UVRAG: variants seen among roughly 807,000 people sequenced by gnomAD.
UVRAG encodes UV radiation resistance associated, also known as UV radiation resistance-associated gene protein.
A neutral mutation model predicts 78.0 loss-of-function variants in UVRAG; 19 were observed. The observed-to-expected ratio is 0.24, with a 90% confidence interval of 0.17 to 0.36. The LOEUF (loss-of-function observed/expected upper bound fraction) is 0.36, where lower values mean the gene tolerates loss of function less well. UVRAG is among the 10% of genes least tolerant of loss of function. The probability of loss-of-function intolerance (pLI) is 1.00; values close to 1 mark genes in which losing one functional copy is unlikely to be tolerated. For missense variants in UVRAG, 740 were observed against 853.8 expected (o/e 0.87, Z 1.66); for synonymous variants, 323 against 324.6 (o/e 1.00, Z 0.05).
At chr11:76,040,365 T>G (rs1296556924) in intron 12 of UVRAG, among the ~76,000 whole-genome samples, 2 of 150,850 alleles carry the variant, frequency 1.3e-5, no homozygotes, top group Non-Finnish European at 3.0e-5. Context: ...CCCAGCTACT[T>G]GGGAGGCTAA....
At chr11:76,102,717 G>A (rs1287788883) in intron 13 of UVRAG, among the ~76,000 whole-genome samples, 1 of 152,090 alleles carries the variant, frequency 6.6e-6, no homozygotes, top group Non-Finnish European at 1.5e-5. Flanking sequence ...GTCATAGATG[G>A]TTCTTATTAT....
chr11:76,004,606 CA>C (rs1949890210), intron 9 of UVRAG, among the ~76,000 whole-genome samples: 1 of 3,062 alleles, frequency 3.3e-4, no homozygotes, highest in Non-Finnish European at 1.9e-3. Flanking sequence ...AGAAACATTT[CA>C]TTCATTCATT....
chr11:75,848,718 G>A (rs936166580), intron 1 of UVRAG, among the ~76,000 whole-genome samples: 2 of 152,164 alleles, frequency 1.3e-5, no homozygotes, highest in African/African-American at 4.8e-5. Context: ...TAGTAATAAA[G>A]GAGTATGAAG....
rs117646967 is a variant in UVRAG, at chr11:75,955,052, G to A, written c.594-6392G>A. 1.6e-3 allele frequency among the ~76,000 whole-genome samples: 245 copies of A among 152,292 alleles called. 2 individuals carry two copies. In the East Asian group the frequency reaches 0.035, roughly 21 times the overall value. On this transcript the variant is annotated intron_variant, in intron 6 of 14. Transcript: ENST00000356136. ...GGAGAGTTGCCAGTAGTTTAGTATTGCTAGAGAAGATGGTGCAAGGTAAAA... is the reference window on the plus strand; with the variant it reads ...GGAGAGTTGCCAGTAGTTTAGTATTACTAGAGAAGATGGTGCAAGGTAAAA...
chr11:75,815,570 C>T, intron 1 of UVRAG, 46 bp downstream of exon 1: 1 of 1,160,586 alleles, frequency 8.6e-7, no homozygotes, highest in East Asian at 3.2e-5. Flanking sequence ...CCGGGCAGGC[C>T]CGCGTGGAGA....
chr11:76,140,146 T>TCTCCCTCC (rs1236298956), intron 14 of UVRAG, among the ~76,000 whole-genome samples: 1 of 85,926 alleles, frequency 1.2e-5, no homozygotes, highest in African/African-American at 5.4e-5. Flanking sequence ...TCTCTCTCTC[T>TCTCCCTCC]CTCCCTCCCT....
intron 3 of UVRAG, among the ~76,000 whole-genome samples, chr11:75,874,538 A>G (rs1285229776): frequency 2.6e-5 from 4 of 152,216 alleles, no homozygotes; most frequent in Non-Finnish European, 4.4e-5. Flanking sequence ...ATTTCGTCTT[A>G]ACTATTAGAA....
chr11:75,884,070 T>C (rs1947016796), intron 4 of UVRAG, among the ~76,000 whole-genome samples: 1 of 152,234 alleles, frequency 6.6e-6, no homozygotes, highest in African/African-American at 2.4e-5. Flanking sequence ...ATAATAGTTC[T>C]GTTTGTTTCA....
intron 6 of UVRAG, among the ~76,000 whole-genome samples, chr11:75,938,820 T>C (rs1490602803): frequency 6.6e-6 from 1 of 152,048 alleles, no homozygotes; most frequent in Non-Finnish European, 1.5e-5. Flanking sequence ...ATCTCTGGAG[T>C]TCTCTGTGTG....
chr11:75,989,735 G>T (rs1949569378), intron 8 of UVRAG, among the ~76,000 whole-genome samples: 2 of 152,096 alleles, frequency 1.3e-5, no homozygotes, highest in Non-Finnish European at 1.5e-5. Flanking sequence ...AAAGTTTCCT[G>T]CTCCTTCTTC....
At chr11:76,082,198 A>G (rs1323829749) in intron 13 of UVRAG, among the ~76,000 whole-genome samples, 1 of 152,108 alleles carries the variant, frequency 6.6e-6, no homozygotes, top group Non-Finnish European at 1.5e-5. Flanking sequence ...AACAATGTGT[A>G]TGTGTGTTTC....
chr11:76,041,776 G>A (rs1243059121), intron 12 of UVRAG, among the ~76,000 whole-genome samples: 1 of 152,134 alleles, frequency 6.6e-6, no homozygotes, highest in Non-Finnish European at 1.5e-5. Flanking sequence ...GATATAAACA[G>A]GCCTTATATT....
At chr11:75,886,990 G>C (rs1158656088) in intron 4 of UVRAG, among the ~76,000 whole-genome samples, 1 of 150,736 alleles carries the variant, frequency 6.6e-6, no homozygotes, top group Non-Finnish European at 1.5e-5. Flanking sequence ...TTTTGAGACG[G>C]AGTCTCGCTC....
At chr11:75,968,049 TC>T (rs913438876) in intron 7 of UVRAG, among the ~76,000 whole-genome samples, 8 of 152,128 alleles carry the variant, frequency 5.3e-5, no homozygotes, top group Non-Finnish European at 1.2e-4. Context: ...AAATCCAAAA[TC>T]CAAAACACTC....
intron 6 of UVRAG, among the ~76,000 whole-genome samples, chr11:75,915,843 G>C (rs1947839419): frequency 6.6e-6 from 1 of 152,146 alleles, no homozygotes; most frequent in South Asian, 2.1e-4. Context: ...GAGAGGAGGA[G>C]TAAATGACAT....
chr11:75,948,586 A>G lies in UVRAG; in HGVS notation c.594-12858A>G, dbSNP rs571915740. Among the ~76,000 whole-genome samples the G allele has an allele frequency of 7.2e-5, 11 of 152,362 alleles. No individual in the cohort carries two copies. The East Asian group carries it at 2.1e-3, about 29-fold the overall frequency. Reference sequence around the variant, plus strand: ...TTATTTGAATAGGTGGATTTATTTGAATAGAATTCTTTAAAAAATGGAAAA... The same window carrying G: ...TTATTTGAATAGGTGGATTTATTTGGATAGAATTCTTTAAAAAATGGAAAA... On this transcript the variant is annotated intron_variant, in intron 6 of 14. Coordinates refer to ENST00000356136, the MANE Select transcript of UVRAG (RefSeq NM_003369.4).
chr11:75,942,602 GAAAACCTGAGTAGTTAAA>G (rs1237908244), intron 6 of UVRAG, among the ~76,000 whole-genome samples: 5 of 152,044 alleles, frequency 3.3e-5, no homozygotes, highest in Non-Finnish European at 7.4e-5. Flanking sequence ...CCGTTCTGAT[GAAAACCTGAGTAGTTAAA>G]AAATACTATT....
intron 12 of UVRAG, among the ~76,000 whole-genome samples, chr11:76,058,810 G>A (rs1252549323): frequency 6.6e-6 from 1 of 152,074 alleles, no homozygotes; most frequent in African/African-American, 2.4e-5. Context: ...AGTGGTCAAG[G>A]GCAATTTAAA....
At chr11:75,877,227 C>G (rs1175018578) in intron 3 of UVRAG, among the ~76,000 whole-genome samples, 1 of 152,168 alleles carries the variant, frequency 6.6e-6, no homozygotes, top group Non-Finnish European at 1.5e-5. Flanking sequence ...AGAACAAAAT[C>G]AAAAGTCTCC....
Sources: allele counts gnomAD v4.1 joint callset (sites outside exome capture counted in the v4.1 genomes callset), GRCh38; gene constraint gnomAD v4.1.1; transcripts MANE v1.5; gene names NCBI Gene and HGNC (gene_info 2026-07-23, HGNC 2026-07-21).